The following ADGRL2 variants were observed in gnomAD, a reference collection of about 807,000 sequenced individuals.
ADGRL2 encodes adhesion G protein-coupled receptor L2.
A neutral mutation model predicts 157.4 loss-of-function variants in ADGRL2; 44 were observed. The ratio of observed to expected loss-of-function variants is 0.28; its 90% CI spans 0.22 to 0.36. ADGRL2 has a LOEUF of 0.36. Among genes scored for constraint, ADGRL2 ranks in the 10% least tolerant of loss-of-function variants. The pLI, the probability that ADGRL2 is intolerant of heterozygous loss-of-function variation, is 1.00. For synonymous variants in ADGRL2, 585 were observed against 624.7 expected, an observed-to-expected ratio of 0.94 and a Z score of 0.95; for missense variants, 1,510 against 1,768.9, an observed-to-expected ratio of 0.85 and a Z score of 2.63.
chr1:81,816,485 G>A (rs2090418505), intron 1 of ADGRL2, among the ~76,000 whole-genome samples: 1 of 151,616 alleles, frequency 6.6e-6, no homozygotes, highest in Admixed American at 6.6e-5. Context: ...GATGGTTGAG[G>A]GCCTTTTTCT....
At chr1:81,719,622 A>AT (rs199553005) in intron 1 of ADGRL2, among the ~76,000 whole-genome samples, 23 of 149,668 alleles carry the variant, frequency 1.5e-4, no homozygotes, top group African/African-American at 2.9e-4. Flanking sequence ...TCACTTCATC[A>AT]TTTTTTTTTC....
At chr1:81,706,280 A>G (rs1447837260) in intron 1 of ADGRL2, among the ~76,000 whole-genome samples, 2 of 152,316 alleles carry the variant, frequency 1.3e-5, no homozygotes, top group South Asian at 4.1e-4. Context: ...AATGGTCAAG[A>G]AACCTTAGAG....
chr1:81,641,740 A>G (rs576196558), intron 3 of ADGRL2, among the ~76,000 whole-genome samples: 105 of 152,298 alleles, frequency 6.9e-4, no homozygotes, highest in African/African-American at 2.5e-3. Flanking sequence ...AAATATCTAA[A>G]ATAAATCACC....
intron 1 of ADGRL2, among the ~76,000 whole-genome samples, chr1:81,383,300 A>G (rs904355714): frequency 6.6e-6 from 1 of 152,178 alleles, no homozygotes; most frequent in Non-Finnish European, 1.5e-5. Context: ...TCTCACTTAA[A>G]ATATACAAAA....
chr1:81,458,193 GGTTGGTAAATATTGTT>G (rs1344194948), intron 2 of ADGRL2, among the ~76,000 whole-genome samples: 18 of 152,146 alleles, frequency 1.2e-4, no homozygotes, highest in South Asian at 4.1e-4. Flanking sequence ...ATTTGCCAAT[GGTTGGTAAATATTGTT>G]TGTGATGTTT....
intron 3 of ADGRL2, among the ~76,000 whole-genome samples, chr1:81,589,079 A>G (rs1446075259): frequency 6.6e-6 from 1 of 152,172 alleles, no homozygotes. Context: ...AGAGAACCAT[A>G]TAGTATCTGT....
intron 2 of ADGRL2, among the ~76,000 whole-genome samples, chr1:81,781,723 A>G (rs2086821458): frequency 6.6e-6 from 1 of 152,210 alleles, no homozygotes; most frequent in Admixed American, 6.5e-5. Flanking sequence ...GTGCATGCAG[A>G]TAAAGCATAT....
intron 1 of ADGRL2, among the ~76,000 whole-genome samples, chr1:81,834,557 G>A (rs1211752643): frequency 1.3e-5 from 2 of 152,092 alleles, no homozygotes; most frequent in South Asian, 2.1e-4. Context: ...TTAATGGAAG[G>A]TTGTTTAAAA....
At chr1:81,739,996 A>C (rs369660151) in intron 1 of ADGRL2, among the ~76,000 whole-genome samples, 1 of 152,232 alleles carries the variant, frequency 6.6e-6, no homozygotes, top group Admixed American at 6.5e-5. Context: ...CCAGATTGGA[A>C]ACCACCACTG....
intron 1 of ADGRL2, among the ~76,000 whole-genome samples, chr1:81,737,908 A>T (rs939566535): frequency 6.6e-6 from 1 of 152,216 alleles, no homozygotes. Context: ...GCCAAGATAC[A>T]CTTACCCCAT....
chr1:81,897,289 C>CTT lies in ADGRL2; in HGVS notation c.74-9718_74-9717dup, dbSNP rs567284740. Among the ~76,000 whole-genome samples the CTT allele has an allele frequency of 9.6e-5, 14 of 145,708 alleles. No individual in the cohort carries two copies. In the South Asian group the frequency reaches 1.7e-3, roughly 18 times the overall value. On this transcript the variant is annotated intron_variant, in intron 2 of 23. Coordinates refer to ENST00000686636, the MANE Select transcript of ADGRL2 (RefSeq NM_001366006.2). ...ATATTGAAGCTCAGTGTGAAAGTCA[C>CTT]TTTTTTTTTTTAAGTAAATCGGAAT...
rs1024126466 is a variant in ADGRL2 at position 81,844,132 on chromosome 1, T to A, written c.73+7075T>A. Among the ~76,000 whole-genome samples, 5 of 152,178 alleles carry A rather than the reference T, an allele frequency of 3.3e-5. No homozygotes were observed. In the East Asian group the frequency reaches 9.6e-4, roughly 29 times the overall value. On this transcript the variant is annotated intron_variant, in intron 2 of 23. Transcript: ENST00000686636. ...TTTAGTAAATAAATTTGTTTTTAAA[T>A]AATAATTTGCTAAAAGTAAAAAGGT... is the stretch of plus-strand genomic sequence containing the variant.
intron 2 of ADGRL2, among the ~76,000 whole-genome samples, chr1:81,483,384 T>C: frequency 6.6e-6 from 1 of 152,210 alleles, no homozygotes; most frequent in East Asian, 1.9e-4. Context: ...CTTCGTGCAT[T>C]TAGCAACATA....
At chr1:81,462,336 C>T (rs1015582020) in intron 2 of ADGRL2, among the ~76,000 whole-genome samples, 5 of 152,174 alleles carry the variant, frequency 3.3e-5, no homozygotes, top group African/African-American at 4.8e-5. Flanking sequence ...AAGGTTAGTT[C>T]TTTTGCTGTT....
intron 1 of ADGRL2, among the ~76,000 whole-genome samples, chr1:81,809,751 A>G (rs2089624506): frequency 6.6e-6 from 1 of 151,688 alleles, no homozygotes; most frequent in South Asian, 2.1e-4. Context: ...CTCTGTATAT[A>G]TCAATACTTG....
At chr1:81,789,442 A>G (rs2087221026) in intron 2 of ADGRL2, among the ~76,000 whole-genome samples, 1 of 152,054 alleles carries the variant, frequency 6.6e-6, no homozygotes, top group Non-Finnish European at 1.5e-5. Flanking sequence ...AAAAGCAGGA[A>G]TGTTGCTGGG....
At chr1:81,705,916 A>G (rs541553880) in intron 1 of ADGRL2, among the ~76,000 whole-genome samples, 5 of 151,982 alleles carry the variant, frequency 3.3e-5, no homozygotes, top group African/African-American at 1.2e-4. Context: ...ATCTTTAAAA[A>G]CAAAAATTTT....
In ADGRL2 at chr1:81,936,713, C is replaced by T. The variant is rs779215680; in HGVS notation, c.288-15C>T. 6.6e-6 allele frequency: 9 copies of T among 1,356,210 alleles called. No individual in the cohort carries two copies. Among genetic ancestry groups the T allele is most frequent in the South Asian group, 3.8e-5 (3 of 79,776 alleles). 84.0% of individuals were successfully genotyped at this position (1,356,210 alleles called of 1,614,324 possible). A position where few individuals can be genotyped will look rare whatever the true frequency, so the allele number is the denominator to read the frequency against. On this transcript the variant is annotated splice_polypyrimidine_tract_variant and intron_variant, in intron 3 of 23. Coordinates refer to ENST00000686636, the MANE Select transcript of ADGRL2 (RefSeq NM_001366006.2). Reference sequence around the variant, plus strand: ...TAAATTATGTTACACAAGTTTGATACATTTTGTTTTTCAGGTGCAACAATC... The same window carrying T: ...TAAATTATGTTACACAAGTTTGATATATTTTGTTTTTCAGGTGCAACAATC...
intron 2 of ADGRL2, among the ~76,000 whole-genome samples, chr1:81,896,156 A>T (rs2094384097): frequency 6.6e-6 from 1 of 152,172 alleles, no homozygotes; most frequent in South Asian, 2.1e-4. Flanking sequence ...TCGTTTACTT[A>T]TTCTGTAATT....
Sources: gnomAD v4.1 joint callset for allele counts (sites outside exome capture counted in the v4.1 genomes callset) on GRCh38, gnomAD v4.1.1 for gene constraint, MANE v1.5 for transcripts, NCBI Gene and HGNC (gene_info 2026-07-23, HGNC 2026-07-21) for gene names.